MTRF1L: variants seen among roughly 807,000 people sequenced by gnomAD.
MTRF1L encodes the protein mitochondrial translation release factor 1 like.
MTRF1L carries 29 observed loss-of-function variants against 40.0 expected under a neutral mutation model. The ratio of observed to expected loss-of-function variants is 0.73; its 90% CI spans 0.54 to 0.99. MTRF1L has a LOEUF of 0.99. Ranked by LOEUF, MTRF1L falls within the 50% of genes least tolerant of loss-of-function variation. MTRF1L has a pLI of 0.00. For synonymous variants in MTRF1L, 150 were observed against 175.8 expected (o/e 0.85, Z 1.16); for missense variants, 412 against 464.5 (o/e 0.89, Z 1.04).
chr6:153,002,610 G>A lies in MTRF1L; in HGVS notation c.76C>T (p.Leu26=). 6.5e-7 allele frequency: 1 copy of A among 1,542,420 alleles called. No individual in the cohort carries two copies. Among genetic ancestry groups the A allele is most frequent in the Non-Finnish European group, 8.7e-7 (1 of 1,144,320 alleles). ...TCCAGCGGCGGGCTACCGGAGCTCA[G>A]GGGCCGGCGGGCTGGGCCAACGGCC... ...RRAVGPARRP[L]SSGSPPLEEL... Residue 26 remains leucine, a synonymous_variant, in exon 1 of 7, where the codon CTG becomes TTG. Transcript: ENST00000367233.
In MTRF1L at chr6:153,002,703, G is replaced by T; in HGVS notation, c.-18C>A. 2.0e-6 allele frequency: 3 copies of T among 1,468,350 alleles called. No homozygotes were observed. Among genetic ancestry groups the T allele is most frequent in the Non-Finnish European group, 2.7e-6 (3 of 1,114,898 alleles). 91.0% of individuals were successfully genotyped at this position (1,468,350 alleles called of 1,614,324 possible). A position where few individuals can be genotyped will look rare whatever the true frequency, so the allele number is the denominator to read the frequency against. Reference sequence around the variant, plus strand: ...GACCGCATCCTTAGTCCGAGATCGCGGACCCTGACCGGAACCGGAAGTTCC... The same window carrying T: ...GACCGCATCCTTAGTCCGAGATCGCTGACCCTGACCGGAACCGGAAGTTCC... On this transcript the variant is annotated 5_prime_UTR_variant, in exon 1 of 7. Transcript: ENST00000367233.
At chr6:153,002,106 C>T (rs1466850509) in intron 1 of MTRF1L, among the ~76,000 whole-genome samples, 1 of 152,232 alleles carries the variant, frequency 6.6e-6, no homozygotes, top group African/African-American at 2.4e-5. Context: ...TGGGTCTCCA[C>T]ACCACACTTT....
Position 152,989,764 on chromosome 6 carries a change from C to T in MTRF1L, c.*131G>A. On this transcript the variant is annotated 3_prime_UTR_variant, in exon 7 of 7. Transcript: ENST00000367233. ...AGAGATCTGTGTAAATTATCTATGA[C>T]TTCAGAATATGCATATTACCTCCAA... The T allele has an allele frequency of 4.8e-6, 5 of 1,031,028 alleles. No individual in the cohort carries two copies. Among genetic ancestry groups the T allele is most frequent in the Non-Finnish European group, 6.8e-6 (5 of 736,370 alleles). The allele number at this position is 1,031,028 out of a possible 1,614,324, so 63.9% of individuals were successfully genotyped here.
chr6:152,996,651 T>TAGTC (rs1339642083), intron 2 of MTRF1L, among the ~76,000 whole-genome samples: 7 of 152,186 alleles, frequency 4.6e-5, no homozygotes, highest in African/African-American at 1.7e-4. Flanking sequence ...TGTCAACCTT[T>TAGTC]AGTCTCTGCT....
intron 6 of MTRF1L, 100 bp downstream of exon 6, chr6:152,991,085 A>G (rs1778494181): frequency 9.8e-6 from 7 of 717,882 alleles, no homozygotes; most frequent in Non-Finnish European, 1.5e-5. Flanking sequence ...TTTTCAACAC[A>G]GGTTAAAACA....
At position 152,991,227 on chromosome 6, in the gene MTRF1L, T is replaced by C. The variant is rs1326728002; in HGVS notation, c.900A>G (p.Leu300=). Residue 300 remains leucine, a synonymous_variant, in exon 6 of 7, where the codon CTA becomes CTG. Transcript: ENST00000367233. ...TCTGTCTTTTATTTATTTCTTCTTC[T>C]AGATGCATGCTGTACAGTTTTGCAC... ...KLRAKLYSMH[L]EEEINKRQNA... is the part of the protein sequence containing the mutation. The C allele has an allele frequency of 1.9e-6, 3 of 1,579,572 alleles. No individual in the cohort carries two copies. Among genetic ancestry groups the C allele is most frequent in the South Asian group, 1.2e-5 (1 of 84,120 alleles).
At chr6:152,995,370 C>A in intron 2 of MTRF1L, 51 bp from the exon 3 acceptor site, 4 of 1,400,378 alleles carry the variant, frequency 2.9e-6, no homozygotes, top group South Asian at 1.5e-5. Flanking sequence ...TAAAATTTAT[C>A]AAAAAATAAA....
rs200138095 is a variant in MTRF1L at position 152,987,641 on chromosome 6, G to A, written c.*2254C>T. ...TTAGCAATAAATCCAATGCGAGGAA[G>A]AGGAACGTAAGATGACATTTTAAAT... On this transcript the variant is annotated 3_prime_UTR_variant, in exon 7 of 7. Transcript: ENST00000367233. 3.9e-4 allele frequency: 56 copies of A among 145,398 alleles called. No individual in the cohort carries two copies. In the East Asian group the frequency reaches 6.1e-3, roughly 16 times the overall value. 9.0% of individuals were successfully genotyped at this position (145,398 alleles called of 1,614,324 possible).
In MTRF1L at chr6:152,998,601, T is replaced by G. The variant is rs1778800262; in HGVS notation, c.288A>C (p.Ala96=). The G allele has an allele frequency of 6.3e-7, 1 of 1,597,652 alleles. No homozygotes were observed. The change falls in exon 2 of 7, where the codon GCA becomes GCC. Residue 96 remains alanine (A), a synonymous_variant. Coordinates refer to ENST00000367233, the MANE Select transcript of MTRF1L (RefSeq NM_019041.7). ...HDENEDLRKL[A]ENEITLCQKE... is the part of the protein sequence containing the mutation. Reference sequence around the variant, plus strand: ...TTTGACACAAAGTGATTTCATTCTCTGCAAGTTTCCTTAAATCTTCATTCT... The same window carrying G: ...TTTGACACAAAGTGATTTCATTCTCGGCAAGTTTCCTTAAATCTTCATTCT...
intron 5 of MTRF1L, among the ~76,000 whole-genome samples, chr6:152,991,997 A>T (rs1213979266): frequency 6.6e-6 from 1 of 151,746 alleles, no homozygotes; most frequent in Non-Finnish European, 1.5e-5. Context: ...TCCTATTACC[A>T]GAGAAAATCA....
intron 1 of MTRF1L, among the ~76,000 whole-genome samples, 184 bp downstream of exon 1, chr6:153,002,243 G>A (rs1040864832): frequency 7.9e-5 from 12 of 152,198 alleles, no homozygotes; most frequent in African/African-American, 2.4e-4. Flanking sequence ...TGGCAAAGGA[G>A]CACAAGAGAG....
intron 4 of MTRF1L, 133 bp from the exon 5 acceptor site, chr6:152,993,107 G>T: frequency 1.5e-6 from 1 of 673,442 alleles, no homozygotes; most frequent in Non-Finnish European, 2.5e-6. Context: ...AGACTAGAGA[G>T]TAGCTAGAAG....
At chr6:152,990,116 G>A in intron 6 of MTRF1L, 21 bp from the exon 7 acceptor site, 1 of 1,608,356 alleles carries the variant, frequency 6.2e-7, no homozygotes, top group Non-Finnish European at 8.5e-7. Context: ...AGAAAAAGAT[G>A]AGATGCAGCT....
rs779250561 is a variant in MTRF1L, at chr6:152,992,876, C to A, written c.786G>T (p.Arg262=). ...ACACACCTGTTGGAAGATGAACTAT[C>A]CGGACAGCACTGTCCGTGGTATTTA... is the stretch of plus-strand genomic sequence containing the variant. ...QHVNTTDSAV[R]IVHLPTGVVS... Residue 262 remains arginine (R), a synonymous_variant, in exon 5 of 7, where the codon CGG becomes CGT. Coordinates refer to ENST00000367233, the MANE Select transcript of MTRF1L (RefSeq NM_019041.7). 1.1e-5 allele frequency: 17 copies of A among 1,611,176 alleles called. No individual in the cohort carries two copies. In the South Asian group the frequency reaches 1.9e-4, roughly 18 times the overall value.
intron 6 of MTRF1L, chr6:152,990,486 A>T (rs1778468449): frequency 6.0e-6 from 1 of 165,296 alleles, no homozygotes; most frequent in South Asian, 1.6e-4. Flanking sequence ...CAAGGTGGTG[A>T]GTTTCCCATA....
At chr6:153,002,383 T>A (rs779029142) in intron 1 of MTRF1L, 44 bp downstream of exon 1, 152 of 1,612,942 alleles carry the variant, frequency 9.4e-5, no homozygotes, top group Non-Finnish European at 1.3e-4. Context: ...AAACGAAGAG[T>A]CAAGAATGTG....
intron 5 of MTRF1L, among the ~76,000 whole-genome samples, chr6:152,991,610 G>C (rs59553177): frequency 0.082 from 12,549 of 152,148 alleles, 596 homozygotes; most frequent in Admixed American, 0.17. Context: ...GCAGTGGCGC[G>C]ATCTCGGCTC....
chr6:152,992,603 G>T (rs1778565441), intron 5 of MTRF1L, among the ~76,000 whole-genome samples: 1 of 152,126 alleles, frequency 6.6e-6, no homozygotes, highest in Non-Finnish European at 1.5e-5. Context: ...AACTCCACCT[G>T]AAAGGACCAT....
intron 1 of MTRF1L, chr6:152,998,853 T>C: frequency 3.6e-6 from 1 of 277,982 alleles, no homozygotes; most frequent in Non-Finnish European, 6.6e-6. Context: ...GTATAAAATT[T>C]TTTTTCTGAT....
Sources: gnomAD v4.1 joint callset for allele counts (sites outside exome capture counted in the v4.1 genomes callset) on GRCh38, gnomAD v4.1.1 for gene constraint, MANE v1.5 for transcripts, NCBI Gene and HGNC (gene_info 2026-07-23, HGNC 2026-07-21) for gene names.